Variants in HAGHL observed in about 807,000 individuals in gnomAD.
The protein encoded by HAGHL is hydroxyacylglutathione hydrolase like, also known as hydroxyacylglutathione hydrolase-like protein.
In HAGHL, 27 loss-of-function variants were observed where a neutral mutation model predicts 29.2. The observed-to-expected ratio is 0.92, with a 90% CI of 0.68 to 1.27. The LOEUF (loss-of-function observed/expected upper bound fraction) is 1.27, where lower values mean the gene tolerates loss of function less well. Ranked by LOEUF, HAGHL falls within the 50% of genes most tolerant of loss-of-function variation. The pLI, the probability that HAGHL is intolerant of heterozygous loss-of-function variation, is 0.00. For synonymous variants in HAGHL, 223 were observed against 185.7 expected, an observed-to-expected ratio of 1.20 and a Z score of -1.63; for missense variants, 529 against 405.5, an observed-to-expected ratio of 1.30 and a Z score of -2.62.
At position 729,547 on chromosome 16, in the gene HAGHL, T is replaced by A. The variant is rs773015133; in HGVS notation, c.*91T>A. Reference sequence around the variant, plus strand: ...CATGAGGGCCACCTCTGGAACCTTCTTCGAGGCCCTGGCCAGCCATCTGCC... The same window carrying A: ...CATGAGGGCCACCTCTGGAACCTTCATCGAGGCCCTGGCCAGCCATCTGCC... On this transcript the variant is annotated 3_prime_UTR_variant, in exon 8 of 8. Transcript: ENST00000389703. The A allele has an allele frequency of 4.6e-6, 7 of 1,532,980 alleles. No individual in the cohort carries two copies. Among genetic ancestry groups the A allele is most frequent in the African/African-American group, 1.4e-5 (1 of 73,034 alleles). The allele number at this position is 1,532,980 out of a possible 1,614,324, so 95.0% of individuals were successfully genotyped here.
chr16:729,213 C>T (rs1223323399), intron 7 of HAGHL, 75 bp from the exon 8 acceptor site: 8 of 1,551,524 alleles, frequency 5.2e-6, no homozygotes, highest in Non-Finnish European at 6.1e-6. Flanking sequence ...AAGTGCCTGC[C>T]TGCCCGCCCA....
At chr16:728,673 C>T (rs748030672) in intron 5 of HAGHL, 69 bp downstream of exon 5, 63 of 1,268,078 alleles carry the variant, frequency 5.0e-5, no homozygotes, top group Non-Finnish European at 6.7e-5. Flanking sequence ...CCTCACTGTG[C>T]TAGGGGTGCA....
chr16:727,712 G>T, intron 1 of HAGHL, 98 bp downstream of exon 1: 1 of 812,412 alleles, frequency 1.2e-6, no homozygotes, highest in Non-Finnish European at 2.0e-6. Flanking sequence ...TCTGCTCTCC[G>T]GAAGTCATTG....
intron 1 of HAGHL, 122 bp downstream of exon 1, chr16:727,736 C>G (rs775869905): frequency 5.4e-6 from 4 of 740,838 alleles, no homozygotes; most frequent in East Asian, 2.8e-5. Flanking sequence ...GCTGGGGTTC[C>G]TTGTTTATCT....
At chr16:728,736 G>T in intron 5 of HAGHL, 58 bp from the exon 6 acceptor site, 2 of 1,522,724 alleles carry the variant, frequency 1.3e-6, no homozygotes, top group Non-Finnish European at 1.8e-6. Flanking sequence ...GGCCCCCGGC[G>T]CAAGCACTTT....
chr16:728,125 G>T lies in HAGHL; in HGVS notation c.180G>T (p.Ala60=). 6.8e-7 allele frequency: 1 copy of T among 1,476,346 alleles called. No homozygotes were observed. The highest frequency in any genetic ancestry group is 8.9e-7 in the Non-Finnish European group (1 of 1,119,198). The allele number at this position is 1,476,346 out of a possible 1,614,324, so 91.5% of individuals were successfully genotyped here. A position where few individuals can be genotyped will look rare whatever the true frequency, so the allele number is the denominator to read the frequency against. ...GCCCGCCCGCCCGCAGGGACCACGC[G>T]CGGGGAAACCCGGAGCTGGCGCGGC... The part of the protein sequence containing the change: ...VLTTHHHWDH[A]RGNPELARLR... The change falls in exon 3 of 8, where the codon GCG becomes GCT. Residue 60 remains alanine, a synonymous_variant. Transcript: ENST00000389703.
In HAGHL at chr16:729,030, C is replaced by T. The variant is rs751753697; in HGVS notation, c.622C>T (p.Pro208Ser). ...WAKKRDEDDV[P>S]TVPSTLGEER... is the part of the protein sequence containing the mutation. ...CCAGAAGAGGGATGAGGATGACGTG[C>T]CCACTGTGCCGTCGACTCTGGGCGA... The change falls in exon 7 of 8, where the codon CCC (proline) becomes TCC (serine). Residue 208 changes from proline to serine, a missense_variant. Physicochemically the swap from Pro to Ser is moderately conservative, Grantham distance 74. Transcript: ENST00000389703. 3.1e-6 allele frequency: 5 copies of T among 1,610,008 alleles called. No homozygotes were observed. The highest frequency in any genetic ancestry group is 4.2e-6 in the Non-Finnish European group (5 of 1,179,310).
rs2041157885 is a variant in HAGHL, at chr16:728,340, C to T, written c.313C>T (p.Leu105Phe). 6.4e-7 allele frequency: 1 copy of T among 1,568,980 alleles called. No homozygotes were observed. Among genetic ancestry groups the T allele is most frequent in the Non-Finnish European group, 8.6e-7 (1 of 1,161,620 alleles). ...GTTCGGGGCCATCCACGTGCGTTGC[C>T]TCCTGACGCCCGGCCACACCGCCGG... is the stretch of plus-strand genomic sequence containing the variant. ...LRFGAIHVRC[L>F]LTPGHTAGHM... The change falls in exon 4 of 8, where the codon CTC becomes TTC. Residue 105 changes from leucine (L) to phenylalanine (F), a missense_variant. Transcript: ENST00000389703.
intron 7 of HAGHL, 95 bp downstream of exon 7, chr16:729,183 C>CT: frequency 6.4e-7 from 1 of 1,571,352 alleles, no homozygotes; most frequent in Non-Finnish European, 8.6e-7. Flanking sequence ...GCATCTCTGG[C>CT]TTGGGGGAGG....
intron 5 of HAGHL, 25 bp from the exon 6 acceptor site, chr16:728,769 C>T (rs2041200760): frequency 6.2e-7 from 1 of 1,605,612 alleles, no homozygotes; most frequent in Non-Finnish European, 8.5e-7. Context: ...GCCGCGTGCG[C>T]GCTCACCGAG....
Position 728,507 on chromosome 16 carries a change from A to ACGCGCTGT in HAGHL, c.404_411dup (p.Val138ArgfsTer58). 6.6e-7 allele frequency: 1 copy of ACGCGCTGT among 1,525,268 alleles called. No homozygotes were observed. Among genetic ancestry groups the ACGCGCTGT allele is most frequent in the Non-Finnish European group, 8.8e-7 (1 of 1,141,590 alleles). 94.5% of individuals were successfully genotyped at this position (1,525,268 alleles called of 1,614,324 possible). A position where few individuals can be genotyped will look rare whatever the true frequency, so the allele number is the denominator to read the frequency against. On this transcript the variant is annotated frameshift_variant, in exon 5 of 8. Transcript: ENST00000389703. LOFTEE classifies it high-confidence loss of function. ...CTGACCCGCCCTCCCCCGCCAGGCG[A>ACGCGCTGT]CGCGCTGTCGGTGGCCGGCTGCGGC...
At position 728,914 on chromosome 16, in the gene HAGHL, C is replaced by T. The variant is rs954596595; in HGVS notation, c.600+19C>T. The T allele has an allele frequency of 7.0e-7, 1 of 1,431,622 alleles. No homozygotes were observed. Among genetic ancestry groups the T allele is most frequent in the Non-Finnish European group, 9.5e-7 (1 of 1,055,540 alleles). The allele number at this position is 1,431,622 out of a possible 1,614,324, so 88.7% of individuals were successfully genotyped here. A position where few individuals can be genotyped will look rare whatever the true frequency, so the allele number is the denominator to read the frequency against. On this transcript the variant is annotated intron_variant, in intron 6 of 7. Transcript: ENST00000389703. ...GGCTAAGGCACGGCCCCTTTCCCGC[C>T]GCGGCAAGAGGGTGGGGGGGGAGGG...
At position 727,342 on chromosome 16, in the gene HAGHL, C is replaced by G. The variant is rs1281768884; in HGVS notation, c.-168C>G. 7.5e-6 allele frequency: 4 copies of G among 535,424 alleles called. No homozygotes were observed. The highest frequency in any genetic ancestry group is 1.4e-5 in the Non-Finnish European group (4 of 295,480). 33.2% of individuals were successfully genotyped at this position (535,424 alleles called of 1,614,324 possible). On this transcript the variant is annotated 5_prime_UTR_variant, in exon 1 of 8. Coordinates refer to ENST00000389703, the MANE Select transcript of HAGHL (RefSeq NM_032304.4). ...CGGTGCGTGGAATTCCACGCGAGTG[C>G]CGGGGAGTTCCTGGGGAGCCGGGCT...
intron 7 of HAGHL, 38 bp from the exon 8 acceptor site, chr16:729,250 G>T: frequency 6.5e-7 from 1 of 1,529,032 alleles, no homozygotes; most frequent in South Asian, 1.3e-5. Flanking sequence ...TCCCGCGTGG[G>T]CAGCGGGCCC....
Position 727,405 on chromosome 16 carries a change from C to T in HAGHL, c.-105C>T. On this transcript the variant is annotated 5_prime_UTR_variant, in exon 1 of 8. Transcript: ENST00000389703. The stretch of plus-strand genomic sequence containing the variant: ...CCCAGCGTGTTGACCGAGCCCGCTT[C>T]GCACAGCCCTTCCTAGGGTGTGGAG... 2 of 626,500 alleles carry T rather than the reference C, an allele frequency of 3.2e-6. No homozygotes were observed. Among genetic ancestry groups the T allele is most frequent in the Non-Finnish European group, 5.7e-6 (2 of 352,924 alleles). 38.8% of individuals were successfully genotyped at this position (626,500 alleles called of 1,614,324 possible). A position where few individuals can be genotyped will look rare whatever the true frequency, so the allele number is the denominator to read the frequency against.
At chr16:728,072 T>G (rs1464204655) in intron 2 of HAGHL, 43 bp downstream of exon 2, 2 of 1,545,202 alleles carry the variant, frequency 1.3e-6, no homozygotes, top group Non-Finnish European at 1.7e-6. Context: ...GACGCCGCCT[T>G]GTCCCAACCC....
At chr16:727,856 C>T (rs2041093393) in intron 1 of HAGHL, 109 bp from the exon 2 acceptor site, 1 of 1,192,848 alleles carries the variant, frequency 8.4e-7, no homozygotes, top group Non-Finnish European at 1.2e-6. Flanking sequence ...CGCTCCCCGG[C>T]GCTCCCCGGG....
Position 729,622 on chromosome 16 carries a change from C to A in HAGHL, c.*166C>A, listed in dbSNP as rs1442801804. ...GTGCTTCCCGGGTGGACACACAGGA[C>A]CACTCAGTGGGGCCTGTGTGGGCGC... On this transcript the variant is annotated 3_prime_UTR_variant, in exon 8 of 8. Transcript: ENST00000389703. 1 of 1,528,236 alleles carries A rather than the reference C, an allele frequency of 6.5e-7. No individual in the cohort carries two copies. Among genetic ancestry groups the A allele is most frequent in the East Asian group, 2.5e-5 (1 of 40,744 alleles). The allele number at this position is 1,528,236 out of a possible 1,614,324, so 94.7% of individuals were successfully genotyped here. A position where few individuals can be genotyped will look rare whatever the true frequency, so the allele number is the denominator to read the frequency against.
rs762729488 is a variant in HAGHL, at chr16:727,906, A to G, written c.106-59A>G. 8.6e-5 allele frequency: 130 copies of G among 1,516,466 alleles called. 2 individuals are homozygous for G. In the South Asian group the frequency reaches 1.4e-3, roughly 17 times the overall value. 93.9% of individuals were successfully genotyped at this position (1,516,466 alleles called of 1,614,324 possible). A position where few individuals can be genotyped will look rare whatever the true frequency, so the allele number is the denominator to read the frequency against. The stretch of plus-strand genomic sequence containing the variant: ...GGGGCAGTGAGCGCGGCGGATCCCG[A>G]TATGGAGGGAGTGGGCCACCGGGAC... On this transcript the variant is annotated intron_variant, in intron 1 of 7. Transcript: ENST00000389703.
Sources: gnomAD v4.1 joint callset for allele counts on GRCh38, gnomAD v4.1.1 for gene constraint, MANE v1.5 for transcripts, NCBI Gene and HGNC (gene_info 2026-07-23, HGNC 2026-07-21) for gene names.